Variants in ADK observed in about 807,000 individuals in gnomAD.
ADK encodes the protein N6,N6-dimethyladenosine kinase.
Under a neutral mutation model 44.7 loss-of-function variants are expected in ADK, and 24 were observed. That is an observed-to-expected ratio of 0.54 (90% CI 0.39 to 0.76). The LOEUF is 0.76. ADK is among the 30% of genes least tolerant of loss of function. The pLI, the probability that ADK is intolerant of heterozygous loss-of-function variation, is 0.00. For synonymous variants in ADK, 128 were observed against 142.6 expected (o/e 0.90, Z 0.73); for missense variants, 321 against 425.1 (o/e 0.76, Z 2.15).
At chr10:74,568,213 G>A (rs1850765416) in intron 7 of ADK, among the ~76,000 whole-genome samples, 1 of 152,140 alleles carries the variant, frequency 6.6e-6, no homozygotes, top group African/African-American at 2.4e-5. Flanking sequence ...TGTGGCCCAA[G>A]ACAATTCTTT....
chr10:74,263,042 T>C (rs143244861), intron 3 of ADK, among the ~76,000 whole-genome samples: 1 of 152,282 alleles, frequency 6.6e-6, no homozygotes, highest in African/African-American at 2.4e-5. Context: ...TTAAAACATA[T>C]GTTATATTGA....
At chr10:74,442,479 G>C (rs1299126782) in intron 6 of ADK, among the ~76,000 whole-genome samples, 1 of 151,878 alleles carries the variant, frequency 6.6e-6, no homozygotes, top group Non-Finnish European at 1.5e-5. Flanking sequence ...AACCCCATCT[G>C]TACTAAAAAT....
At chr10:74,608,882 CT>C (rs570956857) in intron 9 of ADK, among the ~76,000 whole-genome samples, 118 of 152,286 alleles carry the variant, frequency 7.7e-4, no homozygotes, top group African/African-American at 2.8e-3. Context: ...CTATAAGCCC[CT>C]GACTGGGGCT....
chr10:74,283,952 T>C (rs1847053810), intron 3 of ADK, among the ~76,000 whole-genome samples: 1 of 151,772 alleles, frequency 6.6e-6, no homozygotes, highest in Non-Finnish European at 1.5e-5. Flanking sequence ...AGTGCTGGGA[T>C]TACAGGCATG....
intron 4 of ADK, among the ~76,000 whole-genome samples, chr10:74,315,401 C>T (rs1038849119): frequency 1.3e-5 from 2 of 152,040 alleles, no homozygotes; most frequent in Non-Finnish European, 2.9e-5. Context: ...TGTCTCTATT[C>T]CCATATCTTC....
At chr10:74,366,657 T>C (rs1326794365) in intron 4 of ADK, among the ~76,000 whole-genome samples, 7 of 152,168 alleles carry the variant, frequency 4.6e-5, no homozygotes, top group African/African-American at 1.7e-4. Context: ...CATACAGGCA[T>C]GGTGGCTCAT....
At chr10:74,293,988 T>G (rs1486891710) in intron 3 of ADK, among the ~76,000 whole-genome samples, 1 of 152,214 alleles carries the variant, frequency 6.6e-6, no homozygotes, top group Non-Finnish European at 1.5e-5. Flanking sequence ...CATTGGAGAT[T>G]ACCTTTGCTG....
intron 5 of ADK, 144 bp from the exon 6 acceptor site, chr10:74,398,326 AT>A: frequency 2.4e-6 from 1 of 422,530 alleles, no homozygotes; most frequent in Non-Finnish European, 4.2e-6. Flanking sequence ...TATTATTTAT[AT>A]TTATTTAAAA....
At chr10:74,427,912 A>G (rs1844858711) in intron 6 of ADK, among the ~76,000 whole-genome samples, 1 of 152,146 alleles carries the variant, frequency 6.6e-6, no homozygotes, top group African/African-American at 2.4e-5. Context: ...ATTCTTTCAT[A>G]GTTCAGGCGG....
At chr10:74,491,213 T>A (rs1847471962) in intron 6 of ADK, among the ~76,000 whole-genome samples, 1 of 152,124 alleles carries the variant, frequency 6.6e-6, no homozygotes, top group Non-Finnish European at 1.5e-5. Context: ...TCAGTGAGTG[T>A]TTGTTGAGTG....
At chr10:74,619,787 C>T (rs768164617) in intron 9 of ADK, among the ~76,000 whole-genome samples, 2 of 152,146 alleles carry the variant, frequency 1.3e-5, no homozygotes, top group Non-Finnish European at 2.9e-5. Context: ...GTGGCGTGAT[C>T]ACAGCTCACT....
At chr10:74,616,822 T>C (rs1852776860) in intron 9 of ADK, among the ~76,000 whole-genome samples, 1 of 152,180 alleles carries the variant, frequency 6.6e-6, no homozygotes, top group Non-Finnish European at 1.5e-5. Flanking sequence ...AGAAAACTTA[T>C]TTCTTTACAG....
chr10:74,313,007 C>T (rs535937325), intron 3 of ADK, among the ~76,000 whole-genome samples: 82 of 140,902 alleles, frequency 5.8e-4, no homozygotes, highest in African/African-American at 1.9e-3. Flanking sequence ...AATTAACAAA[C>T]TTATACAATG....
At chr10:74,608,308 G>A (rs1355324498) in intron 9 of ADK, among the ~76,000 whole-genome samples, 1 of 151,942 alleles carries the variant, frequency 6.6e-6, no homozygotes, top group Non-Finnish European at 1.5e-5. Flanking sequence ...GAGGAGAAGA[G>A]GCATTCTGGT....
intron 1 of ADK, among the ~76,000 whole-genome samples, chr10:74,160,690 G>GGGGT (rs1452928643): frequency 7.3e-6 from 1 of 136,234 alleles, no homozygotes; most frequent in African/African-American, 2.8e-5. Flanking sequence ...TGCAGGTAGG[G>GGGGT]GTGTGTGTGT....
At chr10:74,249,688 G>A (rs759046344) in intron 3 of ADK, among the ~76,000 whole-genome samples, 3 of 152,126 alleles carry the variant, frequency 2.0e-5, no homozygotes, top group African/African-American at 4.8e-5. Context: ...ATGTGGCATC[G>A]TAGAATCTTG....
At position 74,275,152 on chromosome 10, in the gene ADK, G is replaced by C. The variant is rs139506757; in HGVS notation, c.195-39515G>C. ...AGAATAGATGAAGTCTTTCTGGGCA[G>C]TAATGATCATGACTTCCAGCTTCTT... On this transcript the variant is annotated intron_variant, in intron 3 of 10. Coordinates refer to ENST00000539909, the MANE Select transcript of ADK (RefSeq NM_006721.4). Among the ~76,000 whole-genome samples, 77 of 152,218 alleles carry C rather than the reference G, an allele frequency of 5.1e-4. 2 individuals carry two copies. The East Asian group carries it at 0.014, about 27-fold the overall frequency.
chr10:74,304,371 A>G (rs1400178600), intron 3 of ADK, among the ~76,000 whole-genome samples: 1 of 152,216 alleles, frequency 6.6e-6, no homozygotes, highest in Admixed American at 6.5e-5. Flanking sequence ...GGTAAATGAA[A>G]TGAAAGAGTG....
intron 3 of ADK, among the ~76,000 whole-genome samples, chr10:74,286,724 G>A (rs774211503): frequency 9.9e-5 from 15 of 152,202 alleles, no homozygotes; most frequent in African/African-American, 3.6e-4. Flanking sequence ...CTTATATAAT[G>A]TAGGAAAAGG....
Sources: allele counts gnomAD v4.1 joint callset (sites outside exome capture counted in the v4.1 genomes callset), GRCh38; gene constraint gnomAD v4.1.1; transcripts MANE v1.5; gene names NCBI Gene and HGNC (gene_info 2026-07-23, HGNC 2026-07-21).